RCOR1: variants seen among roughly 807,000 people sequenced by gnomAD.
RCOR1 encodes REST corepressor.
In RCOR1, 12 loss-of-function variants were observed where a neutral mutation model predicts 64.0. The observed-to-expected ratio is 0.19, with a 90% CI of 0.12 to 0.30. The LOEUF (loss-of-function observed/expected upper bound fraction) is 0.30. RCOR1 is among the 10% of genes least tolerant of loss of function. The probability of loss-of-function intolerance (pLI) is 1.00; values close to 1 mark genes in which losing one functional copy is unlikely to be tolerated. For synonymous variants in RCOR1, 279 were observed against 227.2 expected, an observed-to-expected ratio of 1.23 and a Z score of -2.05; for missense variants, 502 against 621.2, an observed-to-expected ratio of 0.81 and a Z score of 2.04.
chr14:102,650,080 C>G (rs554271800), intron 2 of RCOR1, among the ~76,000 whole-genome samples: 13 of 152,006 alleles, frequency 8.6e-5, no homozygotes, highest in African/African-American at 2.4e-4. Flanking sequence ...CACCTGTAGT[C>G]CCAGCTACTC....
chr14:102,668,832 C>T (rs189886752), intron 2 of RCOR1, among the ~76,000 whole-genome samples: 1,551 of 152,012 alleles, frequency 0.01, 16 homozygotes, highest in Admixed American at 0.015. Flanking sequence ...ATCTTTGAGG[C>T]GAAAAATTTT....
At chr14:102,684,156 G>A (rs1423469027) in intron 3 of RCOR1, among the ~76,000 whole-genome samples, 2 of 152,130 alleles carry the variant, frequency 1.3e-5, no homozygotes, top group Non-Finnish European at 2.9e-5. Context: ...CCCCCAACCC[G>A]CTGCGGAGTC....
chr14:102,711,016 ATTTT>A lies in RCOR1; in HGVS notation c.858+6_858+9del. On this transcript the variant is annotated splice_donor_5th_base_variant and intron_variant, in intron 7 of 11. Coordinates refer to ENST00000262241, the MANE Select transcript of RCOR1 (RefSeq NM_015156.4). ...AAAACAAGGAAAGCAAAAAGGAGGT[ATTTT>A]TTCCCCCTAGTATTGTTTAGGCGAA... 2.5e-6 allele frequency: 4 copies of A among 1,588,462 alleles called. No individual in the cohort carries two copies. The highest frequency in any genetic ancestry group is 1.1e-5 in the South Asian group (1 of 86,968).
At chr14:102,670,399 C>G (rs1183202355) in intron 2 of RCOR1, among the ~76,000 whole-genome samples, 1 of 151,956 alleles carries the variant, frequency 6.6e-6, no homozygotes, top group East Asian at 1.9e-4. Flanking sequence ...TTAAAGCAAA[C>G]CAAACAGCTG....
At chr14:102,715,271 C>A (rs1399108288) in intron 8 of RCOR1, among the ~76,000 whole-genome samples, 1 of 152,012 alleles carries the variant, frequency 6.6e-6, no homozygotes, top group East Asian at 1.9e-4. Flanking sequence ...CGGGGTTTTA[C>A]CATGTTAGCC....
intron 8 of RCOR1, among the ~76,000 whole-genome samples, chr14:102,715,103 C>G (rs550240258): frequency 7.9e-5 from 12 of 151,318 alleles, no homozygotes; most frequent in South Asian, 4.2e-4. Context: ...GTGTCTCGCT[C>G]TGTCGCCCAG....
chr14:102,663,652 A>G (rs1315847848), intron 2 of RCOR1, among the ~76,000 whole-genome samples: 5 of 152,110 alleles, frequency 3.3e-5, no homozygotes, highest in Non-Finnish European at 5.9e-5. Context: ...TGGTGGTGAA[A>G]TATCAATACA....
At chr14:102,657,092 C>T (rs1230759822) in intron 2 of RCOR1, 1 of 983,816 alleles carries the variant, frequency 1.0e-6, no homozygotes, top group Non-Finnish European at 1.2e-6. Context: ...TCTTCTAAAG[C>T]CTAATCTTTT....
Position 102,655,135 on chromosome 14 carries a change from T to TA in RCOR1, c.362-26758dup, listed in dbSNP as rs1171336882. ...CTTTTTTTTTTTTTTTTTTTTTTTT[T>TA]AAGCTAAATTTTGTTGAATATTTGG... On this transcript the variant is annotated intron_variant, in intron 2 of 11. Transcript: ENST00000262241. 24 of 194,558 alleles carry TA rather than the reference T, an allele frequency of 1.2e-4. 1 individual carries two copies. The highest frequency in any genetic ancestry group is 1.8e-4 in the Admixed American group (2 of 11,188). 12.1% of individuals were successfully genotyped at this position (194,558 alleles called of 1,614,324 possible).
At chr14:102,655,135 T>TAA (rs1171336882) in intron 2 of RCOR1, 1 of 194,494 alleles carries the variant, frequency 5.1e-6, no homozygotes, top group African/African-American at 3.2e-5. Flanking sequence ...TTTTTTTTTT[T>TAA]AAGCTAAATT....
At chr14:102,671,795 A>ACATTT (rs770937127) in intron 2 of RCOR1, among the ~76,000 whole-genome samples, 14 of 152,232 alleles carry the variant, frequency 9.2e-5, no homozygotes, top group Non-Finnish European at 1.8e-4. Flanking sequence ...CAAATTTAAA[A>ACATTT]CATTTTATCA....
intron 2 of RCOR1, among the ~76,000 whole-genome samples, chr14:102,637,884 A>T (rs761621824): frequency 6.6e-6 from 1 of 152,128 alleles, no homozygotes; most frequent in African/African-American, 2.4e-5. Flanking sequence ...GTTTTTTTCT[A>T]GTTTCGTTGT....
chr14:102,633,174 T>C (rs1374108664), intron 2 of RCOR1, among the ~76,000 whole-genome samples: 3 of 151,964 alleles, frequency 2.0e-5, no homozygotes, highest in Non-Finnish European at 2.9e-5. Flanking sequence ...TTCACTCTGC[T>C]GATTAATCAG....
chr14:102,596,578 T>A (rs1041376357), intron 2 of RCOR1, among the ~76,000 whole-genome samples: 5 of 152,156 alleles, frequency 3.3e-5, no homozygotes, highest in African/African-American at 1.2e-4. Flanking sequence ...TTTCTTTTAT[T>A]TTTTGAGACC....
intron 2 of RCOR1, among the ~76,000 whole-genome samples, chr14:102,621,182 G>A (rs1425126640): frequency 6.6e-6 from 1 of 152,034 alleles, no homozygotes; most frequent in Non-Finnish European, 1.5e-5. Context: ...GCGTTGCCTA[G>A]GCTGGTCTTG....
intron 2 of RCOR1, among the ~76,000 whole-genome samples, chr14:102,643,738 T>C (rs1359638552): frequency 2.6e-5 from 4 of 152,220 alleles, no homozygotes; most frequent in Admixed American, 6.5e-5. Flanking sequence ...GAACCAGAGC[T>C]GTACCCTAGA....
intron 3 of RCOR1, among the ~76,000 whole-genome samples, chr14:102,692,805 G>A (rs1216917712): frequency 1.6e-5 from 2 of 125,066 alleles, no homozygotes; most frequent in African/African-American, 3.1e-5. Flanking sequence ...TTGCTCTGTC[G>A]CACAGGCTGG....
intron 8 of RCOR1, among the ~76,000 whole-genome samples, chr14:102,717,463 A>G (rs1896089193): frequency 6.6e-6 from 1 of 152,194 alleles, no homozygotes; most frequent in African/African-American, 2.4e-5. Flanking sequence ...GCACAGCTGC[A>G]CTCTAATCTT....
At chr14:102,706,303 T>A (rs143614453) in intron 4 of RCOR1, among the ~76,000 whole-genome samples, 2,850 of 151,862 alleles carry the variant, frequency 0.019, 38 homozygotes, top group African/African-American at 0.026. Flanking sequence ...TGGGTAAAAA[T>A]TACAGGATCC....
Sources: allele counts gnomAD v4.1 joint callset (sites outside exome capture counted in the v4.1 genomes callset), GRCh38; gene constraint gnomAD v4.1.1; transcripts MANE v1.5; gene names NCBI Gene and HGNC (gene_info 2026-07-23, HGNC 2026-07-21).